C12orf42: variants seen among roughly 807,000 people sequenced by gnomAD.
The protein encoded by C12orf42 is chromosome 12 open reading frame 42.
In C12orf42, 25 loss-of-function variants were observed where a neutral mutation model predicts 21.6. The ratio of observed to expected loss-of-function variants is 1.16; its 90% CI spans 0.84 to 1.62. The LOEUF (loss-of-function observed/expected upper bound fraction) is 1.62, where lower values mean the gene tolerates loss of function less well. Among genes scored for constraint, C12orf42 ranks in the 40% most tolerant of loss-of-function variants. C12orf42 has a pLI of 0.00. For synonymous variants in C12orf42, 174 were observed against 175.0 expected (o/e 0.99, Z 0.05); for missense variants, 483 against 459.3 (o/e 1.05, Z -0.47).
chr12:103,114,372 C>G, the C12orf42 span, among the ~76,000 whole-genome samples: 2 of 152,160 alleles, frequency 1.3e-5, no homozygotes, highest in African/African-American at 4.8e-5. Flanking sequence ...TGGTCTGTCT[C>G]TTAATCTGAT....
chr12:103,545,690 C>A, the C12orf42 span, among the ~76,000 whole-genome samples: 1 of 152,220 alleles, frequency 6.6e-6, no homozygotes, highest in African/African-American at 2.4e-5. Flanking sequence ...AATGATCCTC[C>A]ACCGGTCCCT....
At chr12:103,227,265 A>G in the C12orf42 span, among the ~76,000 whole-genome samples, 1 of 151,950 alleles carries the variant, frequency 6.6e-6, no homozygotes, top group African/African-American at 2.4e-5. Flanking sequence ...GCTCAGAGAT[A>G]AGAGGTCGGG....
Position 103,478,461 on chromosome 12 carries a change from A to G in C12orf42, c.-21-14T>C. 1 of 1,324,854 alleles carries G rather than the reference A, an allele frequency of 7.5e-7. No homozygotes were observed. Among genetic ancestry groups the G allele is most frequent in the Non-Finnish European group, 1.0e-6 (1 of 954,136 alleles). 82.1% of individuals were successfully genotyped at this position (1,324,854 alleles called of 1,614,324 possible). On this transcript the variant is annotated splice_polypyrimidine_tract_variant and intron_variant, in intron 1 of 5. Coordinates refer to ENST00000548883, the MANE Select transcript of C12orf42 (RefSeq NM_198521.5). Reference sequence around the variant, plus strand: ...AAGTTCAACTCCCTATAAACAAAGAATGGAGAAAGAAGAGCAGGTTTACAA... The same window carrying G: ...AAGTTCAACTCCCTATAAACAAAGAGTGGAGAAAGAAGAGCAGGTTTACAA...
chr12:103,430,558 T>C (rs570235489), intron 2 of C12orf42, among the ~76,000 whole-genome samples: 2 of 152,334 alleles, frequency 1.3e-5, no homozygotes, highest in South Asian at 4.1e-4. Context: ...AGTGTGGTGA[T>C]TCCTCAAGGA....
At chr12:103,098,668 TC>T in the C12orf42 span, among the ~76,000 whole-genome samples, 5 of 152,196 alleles carry the variant, frequency 3.3e-5, no homozygotes, top group Non-Finnish European at 7.3e-5. Context: ...GAGTTAGTGA[TC>T]TTTTGAAAAT....
At chr12:103,521,115 C>T in the C12orf42 span, among the ~76,000 whole-genome samples, 1 of 152,188 alleles carries the variant, frequency 6.6e-6, no homozygotes, top group African/African-American at 2.4e-5. Context: ...CAGCAGCTAA[C>T]GCAACGTATG....
At chr12:103,049,309 G>T in the C12orf42 span, among the ~76,000 whole-genome samples, 1 of 152,160 alleles carries the variant, frequency 6.6e-6, no homozygotes, top group Non-Finnish European at 1.5e-5. Flanking sequence ...ATCTTGGAGT[G>T]ATGTTTGAAT....
intron 2 of C12orf42, among the ~76,000 whole-genome samples, chr12:103,418,649 G>A (rs1040548438): frequency 7.9e-5 from 12 of 151,626 alleles, no homozygotes; most frequent in Admixed American, 5.9e-4. Context: ...TTCCTGTATC[G>A]CCTTGTTGAA....
chr12:103,097,708 CAAG>C, the C12orf42 span, among the ~76,000 whole-genome samples: 1 of 152,054 alleles, frequency 6.6e-6, no homozygotes, highest in Admixed American at 6.6e-5. Flanking sequence ...ATTTGAAAAA[CAAG>C]GAGATAGATA....
At chr12:103,322,141 A>G (rs1405410155) in intron 4 of C12orf42, among the ~76,000 whole-genome samples, 2 of 151,730 alleles carry the variant, frequency 1.3e-5, no homozygotes, top group Non-Finnish European at 2.9e-5. Context: ...ACACACACAC[A>G]CACACACACG....
At chr12:103,500,743 A>G (rs1228208424), upstream of C12orf42, among the ~76,000 whole-genome samples, 4 of 152,236 alleles carry the variant, frequency 2.6e-5, no homozygotes, top group Non-Finnish European at 5.9e-5. Flanking sequence ...GCTCAGGAGT[A>G]CTGGAAAGAG....
intron 4 of C12orf42, among the ~76,000 whole-genome samples, chr12:103,280,573 T>C (rs1041192474): frequency 1.3e-5 from 2 of 152,210 alleles, no homozygotes; most frequent in East Asian, 1.9e-4. Flanking sequence ...GAGCTGAGAC[T>C]GCACCACTGC....
chr12:103,235,447 C>T (rs964189483), downstream of C12orf42, among the ~76,000 whole-genome samples: 1 of 152,108 alleles, frequency 6.6e-6, no homozygotes, highest in African/African-American at 2.4e-5. Flanking sequence ...AAATGTTGAA[C>T]CAGCCTTGCA....
intron 10 of C12orf42, chr12:103,262,569 C>T (rs944523762): frequency 6.6e-6 from 1 of 152,038 alleles, no homozygotes; most frequent in Non-Finnish European, 1.5e-5. Flanking sequence ...GTATACCCAA[C>T]TTTATAAAAT....
At chr12:103,244,530 T>A (rs2033918180) in intron 10 of C12orf42, among the ~76,000 whole-genome samples, 2 of 149,106 alleles carry the variant, frequency 1.3e-5, no homozygotes, top group African/African-American at 5.0e-5. Context: ...CCTCTTTCCC[T>A]AAGCAGTGTT....
chr12:103,251,310 C>T (rs989077494), intron 10 of C12orf42, among the ~76,000 whole-genome samples: 32 of 152,030 alleles, frequency 2.1e-4, no homozygotes, highest in African/African-American at 7.2e-4. Flanking sequence ...TTGATTTGTC[C>T]GTTGACATCT....
chr12:103,202,139 G>A, the C12orf42 span, among the ~76,000 whole-genome samples: 22 of 152,140 alleles, frequency 1.4e-4, no homozygotes, highest in African/African-American at 5.3e-4. Flanking sequence ...CTAAACCTAC[G>A]ATTTCCTGTG....
intron 3 of C12orf42, among the ~76,000 whole-genome samples, chr12:103,392,604 T>C (rs2047169435): frequency 1.0e-5 from 1 of 97,318 alleles, no homozygotes; most frequent in Non-Finnish European, 2.7e-5. Context: ...AATGAAATTG[T>C]TTTTCTTAAT....
the C12orf42 span, among the ~76,000 whole-genome samples, chr12:103,149,772 C>T: frequency 6.6e-6 from 1 of 152,156 alleles, no homozygotes; most frequent in Non-Finnish European, 1.5e-5. Context: ...AATTGTAAGT[C>T]AAACCTACTC....
Sources: gnomAD v4.1 joint callset for allele counts (sites outside exome capture counted in the v4.1 genomes callset) on GRCh38, gnomAD v4.1.1 for gene constraint, MANE v1.5 for transcripts, NCBI Gene and HGNC (gene_info 2026-07-23, HGNC 2026-07-21) for gene names.